Variants in RHOT1 observed in about 807,000 individuals in gnomAD.
RHOT1 encodes the protein mitochondrial Rho GTPase 1.
A neutral mutation model predicts 95.3 loss-of-function variants in RHOT1; 27 were observed. The ratio of observed to expected loss-of-function variants is 0.28; its 90% CI spans 0.21 to 0.39. RHOT1 has a LOEUF of 0.39. Ranked by LOEUF, RHOT1 falls within the 10% of genes least tolerant of loss-of-function variation. The pLI, the probability that RHOT1 is intolerant of heterozygous loss-of-function variation, is 1.00. For synonymous variants in RHOT1, 227 were observed against 263.5 expected (o/e 0.86, Z 1.34); for missense variants, 578 against 786.7 (o/e 0.73, Z 3.17).
chr17:32,202,816 A>T lies in RHOT1; in HGVS notation c.1248A>T (p.Arg416Ser). 1 of 1,609,528 alleles carries T rather than the reference A, an allele frequency of 6.2e-7. No homozygotes were observed. Among genetic ancestry groups the T allele is most frequent in the Non-Finnish European group, 8.5e-7 (1 of 1,177,046 alleles). Residue 416 changes from arginine (R) to serine (S), a missense_variant, in exon 15 of 20, where the codon AGA becomes AGT. By Grantham distance (110) the Arg-to-Ser change is moderately radical. Transcript: ENST00000545287. ...ACCTGCAGAAAAAACAAACTCAAAG[A>T]AATGTGTTCAGATGTAATGTAATTG... is the stretch of plus-strand genomic sequence containing the variant. ...KIDLQKKQTQ[R>S]NVFRCNVIGV...
Position 32,192,052 on chromosome 17 carries a change from G to A in RHOT1, c.541-149G>A, listed in dbSNP as rs187842538. On this transcript the variant is annotated intron_variant, in intron 8 of 19. Transcript: ENST00000545287. ...AAATATTGCCTCATTTACTTAAAAA[G>A]GCTTGCATATAAAGTAAATGGCTTT... 1.3e-5 allele frequency: 7 copies of A among 543,062 alleles called. No individual in the cohort carries two copies. The East Asian group carries it at 2.0e-4, about 15-fold the overall frequency. 33.6% of individuals were successfully genotyped at this position (543,062 alleles called of 1,614,324 possible). A position where few individuals can be genotyped will look rare whatever the true frequency, so the allele number is the denominator to read the frequency against.
chr17:32,181,501 A>T (rs1248155462), intron 6 of RHOT1, among the ~76,000 whole-genome samples: 6 of 152,290 alleles, frequency 3.9e-5, no homozygotes, highest in Admixed American at 3.3e-4. Context: ...CACTGTCACT[A>T]GTCCAAGTTA....
At position 32,208,148 on chromosome 17, in the gene RHOT1, T is replaced by C. The variant is rs767410124; in HGVS notation, c.1578T>C (p.Ala526=). ...GCAGAATACCTTGCTTAATCGTAGC[T>C]GCAAAGTCAGACCTGCATGAAGTTA... ...MDSRIPCLIV[A]AKSDLHEVKQ... The change falls in exon 18 of 20, where the codon GCT becomes GCC. Residue 526 remains alanine, a synonymous_variant. Transcript: ENST00000545287. The C allele has an allele frequency of 6.2e-7, 1 of 1,614,124 alleles. No individual in the cohort carries two copies. Among genetic ancestry groups the C allele is most frequent in the Non-Finnish European group, 8.5e-7 (1 of 1,179,966 alleles).
chr17:32,184,133 T>C lies in RHOT1; in HGVS notation c.540+861T>C, dbSNP rs532518437. On this transcript the variant is annotated intron_variant, in intron 8 of 19. Coordinates refer to ENST00000545287, the MANE Select transcript of RHOT1 (RefSeq NM_001033566.3). ...ATCCTTTTAAAGTTGTACTATTCCG[T>C]GGTTTTTAGTGTATTCACAAAGTTA... Among the ~76,000 whole-genome samples, 4 of 152,348 alleles carry C rather than the reference T, an allele frequency of 2.6e-5. No homozygotes were observed. In the South Asian group the frequency reaches 8.3e-4, roughly 32 times the overall value.
chr17:32,157,382 G>T (rs2033070721), intron 1 of RHOT1, among the ~76,000 whole-genome samples: 3 of 152,156 alleles, frequency 2.0e-5, no homozygotes, highest in Non-Finnish European at 4.4e-5. Context: ...TGAAATATTT[G>T]TTTCTTAATC....
intron 1 of RHOT1, chr17:32,151,186 A>C (rs949717308): frequency 2.6e-6 from 2 of 767,342 alleles, no homozygotes; most frequent in African/African-American, 1.7e-5. Context: ...GTTTCTCCTG[A>C]AGATTTCTGT....
chr17:32,144,820 C>CAA (rs36027822), intron 1 of RHOT1, among the ~76,000 whole-genome samples: 1 of 140,574 alleles, frequency 7.1e-6, no homozygotes, highest in Non-Finnish European at 1.6e-5. Context: ...GACCCCGCCT[C>CAA]AAAAAAAAAA....
At chr17:32,186,508 C>T (rs922349572) in intron 8 of RHOT1, among the ~76,000 whole-genome samples, 5 of 151,920 alleles carry the variant, frequency 3.3e-5, no homozygotes, top group Admixed American at 1.3e-4. Context: ...GAACTACAGG[C>T]GCCCACCACC....
At chr17:32,176,101 G>A in intron 5 of RHOT1, 60 bp from the exon 6 acceptor site, 3 of 1,587,344 alleles carry the variant, frequency 1.9e-6, no homozygotes. Flanking sequence ...AGGGGTCTAA[G>A]GGAAGAGTGT....
intron 1 of RHOT1, among the ~76,000 whole-genome samples, chr17:32,154,547 AC>A (rs2032722853): frequency 6.8e-6 from 1 of 146,748 alleles, no homozygotes; most frequent in African/African-American, 2.5e-5. Flanking sequence ...AGACGGCGCC[AC>A]TGCACTCCAG....
intron 13 of RHOT1, among the ~76,000 whole-genome samples, chr17:32,199,992 G>A (rs1278624773): frequency 6.7e-6 from 1 of 148,794 alleles, no homozygotes; most frequent in Non-Finnish European, 1.5e-5. Context: ...GCCCAGGCTG[G>A]AGTGTAGTGG....
intron 6 of RHOT1, among the ~76,000 whole-genome samples, chr17:32,177,513 T>C (rs566663434): frequency 1.3e-5 from 2 of 152,188 alleles, no homozygotes; most frequent in African/African-American, 4.8e-5. Context: ...CCCAGCACTT[T>C]GGGAGGCCGA....
At chr17:32,171,735 T>C (rs1484866147) in intron 2 of RHOT1, among the ~76,000 whole-genome samples, 1 of 152,206 alleles carries the variant, frequency 6.6e-6, no homozygotes, top group African/African-American at 2.4e-5. Context: ...CTGTGAGGTG[T>C]TTTTGTCGGA....
At chr17:32,161,733 G>T (rs1357442367) in intron 1 of RHOT1, among the ~76,000 whole-genome samples, 2 of 152,182 alleles carry the variant, frequency 1.3e-5, no homozygotes, top group African/African-American at 2.4e-5. Flanking sequence ...TGCAAAGGCA[G>T]TTTCACCACC....
At chr17:32,170,790 A>G (rs1421015417) in intron 1 of RHOT1, among the ~76,000 whole-genome samples, 1 of 152,244 alleles carries the variant, frequency 6.6e-6, no homozygotes, top group African/African-American at 2.4e-5. Context: ...AATCTGGGAG[A>G]ATATTAAAAT....
intron 19 of RHOT1, among the ~76,000 whole-genome samples, chr17:32,220,349 G>C (rs776340904): frequency 6.6e-6 from 1 of 152,176 alleles, no homozygotes; most frequent in Non-Finnish European, 1.5e-5. Context: ...GGGTGACAGA[G>C]CAAGACGCTG....
At chr17:32,224,534 C>A in intron 19 of RHOT1, 82 bp from the exon 20 acceptor site, 1 of 960,064 alleles carries the variant, frequency 1.0e-6, no homozygotes, top group South Asian at 1.6e-5. Flanking sequence ...TAATACTTCC[C>A]TAAAAGTAGA....
intron 1 of RHOT1, among the ~76,000 whole-genome samples, chr17:32,158,156 C>T (rs749488594): frequency 6.6e-5 from 10 of 152,004 alleles, no homozygotes; most frequent in Non-Finnish European, 1.3e-4. Context: ...CTGTGCTCAG[C>T]CTTGTCTTAG....
At chr17:32,211,710 A>C (rs1458252422) in intron 19 of RHOT1, among the ~76,000 whole-genome samples, 1 of 152,200 alleles carries the variant, frequency 6.6e-6, no homozygotes, top group African/African-American at 2.4e-5. Flanking sequence ...GAAACCATTT[A>C]TAATTATAAT....
Sources: gnomAD v4.1 joint callset for allele counts (sites outside exome capture counted in the v4.1 genomes callset) on GRCh38, gnomAD v4.1.1 for gene constraint, MANE v1.5 for transcripts, NCBI Gene and HGNC (gene_info 2026-07-23, HGNC 2026-07-21) for gene names.